ARHGEF4: variants seen among roughly 807,000 people sequenced by gnomAD.
ARHGEF4 encodes the protein APC-stimulated guanine nucleotide exchange factor 1.
ARHGEF4 carries 119 observed loss-of-function variants against 162.0 expected under a neutral mutation model. That is an observed-to-expected ratio of 0.73 (90% CI 0.63 to 0.86). The LOEUF (loss-of-function observed/expected upper bound fraction) is 0.86, where lower values mean the gene tolerates loss of function less well. Ranked by LOEUF, ARHGEF4 falls within the 40% of genes least tolerant of loss-of-function variation. The probability of loss-of-function intolerance (pLI) is 0.00; values close to 1 mark genes in which losing one functional copy is unlikely to be tolerated. For missense variants in ARHGEF4, 2,488 were observed against 2,456.0 expected (o/e 1.01, Z -0.28); for synonymous variants, 1,014 against 979.9 (o/e 1.03, Z -0.65).
chr2:131,043,989 C>CCCTCCTTGT (rs1691030257), intron 11 of ARHGEF4, among the ~76,000 whole-genome samples: 1 of 152,216 alleles, frequency 6.6e-6, no homozygotes, highest in Non-Finnish European at 1.5e-5. Context: ...GTCCATGAAG[C>CCCTCCTTGT]CCTCCTTGTC....
At chr2:131,029,698 C>T (rs1008775546) in intron 5 of ARHGEF4, among the ~76,000 whole-genome samples, 5 of 151,950 alleles carry the variant, frequency 3.3e-5, no homozygotes, top group Admixed American at 2.0e-4. Context: ...GGATTACAGG[C>T]GCCCGCCACC....
intron 4 of ARHGEF4, among the ~76,000 whole-genome samples, chr2:130,981,650 T>G (rs1050935031): frequency 7.9e-6 from 1 of 125,918 alleles, no homozygotes; most frequent in African/African-American, 3.2e-5. Flanking sequence ...AAAGCGAGAC[T>G]CCATCTCAAA....
chr2:130,939,591 A>G (rs1298264215), intron 3 of ARHGEF4, among the ~76,000 whole-genome samples: 1 of 152,154 alleles, frequency 6.6e-6, no homozygotes, highest in Non-Finnish European at 1.5e-5. Context: ...CCTTCCAATA[A>G]TAAATATGAA....
chr2:131,040,484 A>G, intron 8 of ARHGEF4, 44 bp downstream of exon 8: 2 of 1,491,366 alleles, frequency 1.3e-6, no homozygotes, highest in Non-Finnish European at 1.8e-6. Flanking sequence ...CTGCGTTCAC[A>G]GAGGCTGCCG....
At position 131,045,136 on chromosome 2, in the gene ARHGEF4, C is replaced by T. The variant is rs115025640; in HGVS notation, c.5402-233C>T. ...GAGATGGGTGGGCAGAGGAAGGACTCGGGGATCTTCATTTTCTGCCAGGAG... is the reference window on the plus strand; with the variant it reads ...GAGATGGGTGGGCAGAGGAAGGACTTGGGGATCTTCATTTTCTGCCAGGAG... On this transcript the variant is annotated intron_variant, in intron 12 of 13. Transcript: ENST00000409359. Among the ~76,000 whole-genome samples the T allele has an allele frequency of 5.6e-3, 860 of 152,294 alleles. 7 individuals carry two copies. The highest frequency in any genetic ancestry group is 0.019 in the African/African-American group (787 of 41,556).
rs141666494 is a variant in ARHGEF4 at position 131,012,162 on chromosome 2, G to A, written c.3986-15783G>A. On this transcript the variant is annotated intron_variant, in intron 4 of 13. Coordinates refer to ENST00000409359, the MANE Select transcript of ARHGEF4 (RefSeq NM_001367493.1). Reference sequence around the variant, plus strand: ...GAGTTCTCCTTGGAGGGAGGGTAGGGGCAGCAAGGGGGTCCTCCTCGTGTA... The same window carrying A: ...GAGTTCTCCTTGGAGGGAGGGTAGGAGCAGCAAGGGGGTCCTCCTCGTGTA... Among the ~76,000 whole-genome samples the A allele has an allele frequency of 9.5e-4, 145 of 152,220 alleles. 2 individuals are homozygous for A. The highest frequency in any genetic ancestry group is 8.3e-3 in the East Asian group (43 of 5,166).
At chr2:130,963,572 G>C (rs1276992681) in intron 4 of ARHGEF4, 1 of 98,736 alleles carries the variant, frequency 1.0e-5, no homozygotes, top group Non-Finnish European at 2.0e-5. Context: ...GCGGACACAG[G>C]TGGCGGCGGC....
At position 130,913,990 on chromosome 2, in the gene ARHGEF4, C is replaced by T; in HGVS notation, c.44C>T (p.Pro15Leu). The T allele has an allele frequency of 6.5e-7, 1 of 1,536,102 alleles. No homozygotes were observed. Among genetic ancestry groups the T allele is most frequent in the Admixed American group, 2.0e-5 (1 of 51,006 alleles). Residue 15 changes from proline to leucine, a missense_variant, in exon 2 of 14, where the codon CCA (proline) becomes CTA (leucine). By Grantham distance (98) the Pro-to-Leu change is moderately conservative. Around this residue, in one of 6 missense-constraint regions of ARHGEF4, gnomAD observed 171 missense variants for 169.4 expected, o/e 1.01. Coordinates refer to ENST00000409359, the MANE Select transcript of ARHGEF4 (RefSeq NM_001367493.1). ...CCTCTCTTCTTGCCCTCCCAGACTC[C>T]AGAGCCAGGTGCACACCTGCCAGGT... ...VHFLRSFFKT[P>L]EPGAHLPGEG...
At chr2:130,883,840 A>G (rs184920905) in intron 1 of ARHGEF4, among the ~76,000 whole-genome samples, 36 of 152,260 alleles carry the variant, frequency 2.4e-4, no homozygotes, top group Admixed American at 1.6e-3. Context: ...GGGGTCTGTC[A>G]CTATCTGTGT....
Position 131,040,151 on chromosome 2 carries a change from A to C in ARHGEF4, c.4441A>C (p.Thr1481Pro). 1 of 1,613,284 alleles carries C rather than the reference A, an allele frequency of 6.2e-7. No individual in the cohort carries two copies. The highest frequency in any genetic ancestry group is 8.5e-7 in the Non-Finnish European group (1 of 1,179,722). ...CAACGTCATCAACGAGATCCTCAGC[A>C]CTGAGCGGGACTACATCAAGCACCT... ...RTNVINEILS[T>P]ERDYIKHLRD... Residue 1481 changes from threonine to proline, a missense_variant, in exon 7 of 14, where the codon ACT (threonine) becomes CCT (proline). Around this residue, in one of 6 missense-constraint regions of ARHGEF4, gnomAD observed 174 missense variants for 148.3 expected, o/e 1.17. Coordinates refer to ENST00000409359, the MANE Select transcript of ARHGEF4 (RefSeq NM_001367493.1).
intron 4 of ARHGEF4, among the ~76,000 whole-genome samples, chr2:130,955,477 G>A (rs1483386396): frequency 1.3e-5 from 2 of 152,130 alleles, no homozygotes; most frequent in East Asian, 1.9e-4. Flanking sequence ...TTTTAGTGAA[G>A]TCTATTTCCC....
chr2:131,031,463 A>T (rs1251691012), intron 5 of ARHGEF4, among the ~76,000 whole-genome samples: 2 of 152,220 alleles, frequency 1.3e-5, no homozygotes, highest in Non-Finnish European at 2.9e-5. Flanking sequence ...TACTTGCGTC[A>T]GGGACGCACC....
In ARHGEF4 at chr2:131,039,494, G is replaced by A. The variant is rs1037709700; in HGVS notation, c.4305+462G>A. The A allele has an allele frequency of 7.8e-6, 8 of 1,024,084 alleles. No homozygotes were observed. The African/African-American group carries it at 1.2e-4, about 15-fold the overall frequency. The allele number at this position is 1,024,084 out of a possible 1,614,324, so 63.4% of individuals were successfully genotyped here. ...AAGGGGGTCTCCAGTCTTCAAGGAAGGAATCCAGGTGCAGTCTCCAAAAGG... is the reference window on the plus strand; with the variant it reads ...AAGGGGGTCTCCAGTCTTCAAGGAAAGAATCCAGGTGCAGTCTCCAAAAGG... On this transcript the variant is annotated intron_variant, in intron 6 of 13. Coordinates refer to ENST00000409359, the MANE Select transcript of ARHGEF4 (RefSeq NM_001367493.1).
At chr2:130,876,506 C>T (rs1051473442) in intron 1 of ARHGEF4, among the ~76,000 whole-genome samples, 2 of 152,206 alleles carry the variant, frequency 1.3e-5, no homozygotes, top group African/African-American at 4.8e-5. Flanking sequence ...ATTCTCCTGC[C>T]TCAGCCTCCT....
intron 1 of ARHGEF4, among the ~76,000 whole-genome samples, chr2:130,872,411 C>T (rs1338418623): frequency 1.3e-5 from 2 of 152,098 alleles, no homozygotes; most frequent in Non-Finnish European, 2.9e-5. Context: ...CCTGGTGGCT[C>T]CTGCAGCCCC....
chr2:131,002,697 G>C (rs576091635), intron 4 of ARHGEF4, among the ~76,000 whole-genome samples: 3 of 112,518 alleles, frequency 2.7e-5, no homozygotes, highest in African/African-American at 7.1e-5. Flanking sequence ...GCGACAGAGC[G>C]AGACTCCGTC....
chr2:130,884,703 T>C (rs1016077433), intron 1 of ARHGEF4, among the ~76,000 whole-genome samples: 6 of 152,280 alleles, frequency 3.9e-5, no homozygotes, highest in African/African-American at 1.2e-4. Flanking sequence ...TATATGGAAC[T>C]GCCCCTGAGT....
At chr2:130,993,943 CTAATTTT>C (rs1687218272) in intron 4 of ARHGEF4, among the ~76,000 whole-genome samples, 1 of 152,032 alleles carries the variant, frequency 6.6e-6, no homozygotes, top group African/African-American at 2.4e-5. Flanking sequence ...CCGCACCTGG[CTAATTTT>C]TGTATTTTTA....
intron 2 of ARHGEF4, among the ~76,000 whole-genome samples, chr2:130,920,969 A>G (rs1681836085): frequency 6.6e-6 from 1 of 152,288 alleles, no homozygotes; most frequent in African/African-American, 2.4e-5. Context: ...GACCTCCACC[A>G]GGTCATGAAA....
Sources: gnomAD v4.1 joint callset for allele counts (sites outside exome capture counted in the v4.1 genomes callset) on GRCh38, gnomAD v4.1.1 for gene constraint, gnomAD v4.1.1 regional missense constraint, MANE v1.5 for transcripts, NCBI Gene and HGNC (gene_info 2026-07-23, HGNC 2026-07-21) for gene names.